Variants in CFAP20DC observed in about 807,000 individuals in gnomAD.
CFAP20DC encodes the protein CFAP20 domain containing, also known as protein CFAP20DC.
Under a neutral mutation model 101.7 loss-of-function variants are expected in CFAP20DC, and 84 were observed. The observed-to-expected ratio is 0.83, with a 90% CI of 0.69 to 0.99. CFAP20DC has a LOEUF of 0.99. Ranked by LOEUF, CFAP20DC falls within the 50% of genes least tolerant of loss-of-function variation. The pLI, the probability that CFAP20DC is intolerant of heterozygous loss-of-function variation, is 0.00. For synonymous variants in CFAP20DC, 359 were observed against 351.2 expected (o/e 1.02, Z -0.25); for missense variants, 1,007 against 970.3 (o/e 1.04, Z -0.50).
intron 12 of CFAP20DC, among the ~76,000 whole-genome samples, chr3:58,853,559 G>A (rs1451132256): frequency 6.6e-6 from 1 of 151,964 alleles, no homozygotes; most frequent in Non-Finnish European, 1.5e-5. Flanking sequence ...CAATATCCTT[G>A]ATGAACATTG....
Position 58,795,935 on chromosome 3 carries a change from A to G in CFAP20DC, c.2237+10460T>C, listed in dbSNP as rs915422707. Among the ~76,000 whole-genome samples, 1 of 152,198 alleles carries G rather than the reference A, an allele frequency of 6.6e-6. No individual in the cohort carries two copies. Among genetic ancestry groups the G allele is most frequent in the Admixed American group, 6.5e-5 (1 of 15,278 alleles). On this transcript the variant is annotated intron_variant, in intron 15 of 16. Coordinates refer to ENST00000482387, the MANE Select transcript of CFAP20DC (RefSeq NM_001394063.1). This position sits in a 1 kb window ranked among gnomAD's most constrained non-coding sequence, Gnocchi z 4.2. Reference sequence around the variant, plus strand: ...GGTCAGAGAGGAGGCAGGTGTCTCAACTAAGGAAACTGGAGGGTGGGGTTA... The same window carrying G: ...GGTCAGAGAGGAGGCAGGTGTCTCAGCTAAGGAAACTGGAGGGTGGGGTTA...
At chr3:58,734,136 C>G (rs1296048954) in intron 3 of CFAP20DC, among the ~76,000 whole-genome samples, 4 of 152,196 alleles carry the variant, frequency 2.6e-5, no homozygotes, top group Non-Finnish European at 4.4e-5. Flanking sequence ...TTCACTCTCT[C>G]TCTCTCTCCT....
chr3:58,910,991 A>C (rs969035633), intron 6 of CFAP20DC, among the ~76,000 whole-genome samples: 9 of 152,276 alleles, frequency 5.9e-5, no homozygotes, highest in Middle Eastern at 3.4e-3. Flanking sequence ...ATGCTTTAAA[A>C]TAAGTTTGAT....
At chr3:58,731,639 T>G (rs954612322) in intron 3 of CFAP20DC, among the ~76,000 whole-genome samples, 1 of 152,238 alleles carries the variant, frequency 6.6e-6, no homozygotes, top group Non-Finnish European at 1.5e-5. Context: ...GCTGCTAATA[T>G]GCAAAAATAT....
Position 58,722,730 on chromosome 3 carries a change from T to G in CFAP20DC, c.198-5102A>C, listed in dbSNP as rs535571923. Reference sequence around the variant, plus strand: ...ATTTAATTGTTATTTTGGGATCAGTTGCTTTTGAAAGATCCCCCAGCTGAT... The same window carrying G: ...ATTTAATTGTTATTTTGGGATCAGTGGCTTTTGAAAGATCCCCCAGCTGAT... On this transcript the variant is annotated intron_variant, in intron 3 of 3. Transcript: ENST00000486145. The surrounding 1 kb of genome is among the most constrained non-coding windows in gnomAD (Gnocchi z 4.5). Among the ~76,000 whole-genome samples the G allele has an allele frequency of 2.0e-5, 3 of 152,368 alleles. No individual in the cohort carries two copies. The highest frequency in any genetic ancestry group is 1.9e-4 in the East Asian group (1 of 5,194).
chr3:58,806,378 T>G lies in CFAP20DC; in HGVS notation c.2237+17A>C, dbSNP rs186650048. On this transcript the variant is annotated intron_variant, in intron 15 of 16. Coordinates refer to ENST00000482387, the MANE Select transcript of CFAP20DC (RefSeq NM_001394063.1). Reference sequence around the variant, plus strand: ...AGTTTTTTTTTTTCTTAAATGTAGATTATTAATGATTCTTACCGGGGATTA... The same window carrying G: ...AGTTTTTTTTTTTCTTAAATGTAGAGTATTAATGATTCTTACCGGGGATTA... The G allele has an allele frequency of 2.6e-6, 4 of 1,519,918 alleles. No individual in the cohort carries two copies. The East Asian group carries it at 9.0e-5, about 34-fold the overall frequency. 94.2% of individuals were successfully genotyped at this position (1,519,918 alleles called of 1,614,324 possible). A position where few individuals can be genotyped will look rare whatever the true frequency, so the allele number is the denominator to read the frequency against.
At chr3:58,842,515 C>T (rs1195443459) in intron 13 of CFAP20DC, among the ~76,000 whole-genome samples, 1 of 152,036 alleles carries the variant, frequency 6.6e-6, no homozygotes, top group Non-Finnish European at 1.5e-5. Flanking sequence ...GAGGGTCCTA[C>T]GCCCACGGAA....
At chr3:58,725,472 G>A (rs2067535938) in intron 3 of CFAP20DC, among the ~76,000 whole-genome samples, 1 of 152,160 alleles carries the variant, frequency 6.6e-6, no homozygotes, top group South Asian at 2.1e-4. Context: ...TAGTCACTGG[G>A]TCAGTAACAG....
intron 5 of CFAP20DC, among the ~76,000 whole-genome samples, chr3:58,922,321 C>A (rs929046214): frequency 6.6e-6 from 1 of 152,056 alleles, no homozygotes; most frequent in Non-Finnish European, 1.5e-5. Context: ...TTTAGCATTC[C>A]GTTAACCTCC....
intron 15 of CFAP20DC, among the ~76,000 whole-genome samples, chr3:58,773,141 T>G (rs924784259): frequency 2.6e-5 from 4 of 151,972 alleles, no homozygotes; most frequent in Non-Finnish European, 4.4e-5. Flanking sequence ...GACAAATGCT[T>G]ATGAAACATA....
At chr3:58,957,417 T>C (rs1266448648) in intron 4 of CFAP20DC, among the ~76,000 whole-genome samples, 3 of 152,192 alleles carry the variant, frequency 2.0e-5, no homozygotes, top group Non-Finnish European at 2.9e-5. Flanking sequence ...TGTAAATTAG[T>C]ACAGCCACTA....
intron 5 of CFAP20DC, among the ~76,000 whole-genome samples, chr3:58,936,681 A>G (rs1035484878): frequency 2.8e-4 from 42 of 152,306 alleles, no homozygotes; most frequent in Middle Eastern, 3.4e-3. Context: ...AGGACGGAAA[A>G]CCAAACACCG....
In CFAP20DC at chr3:58,721,486, C is replaced by T. The variant is rs561517107; in HGVS notation, c.198-3858G>A. Among the ~76,000 whole-genome samples the T allele has an allele frequency of 4.6e-5, 7 of 152,138 alleles. 1 individual carries two copies. Among genetic ancestry groups the T allele is most frequent in the South Asian group, 4.2e-4 (2 of 4,810 alleles). On this transcript the variant is annotated intron_variant, in intron 3 of 3. Transcript: ENST00000486145. The surrounding 1 kb of genome is among the most constrained non-coding windows in gnomAD (Gnocchi z 5.2). ...GTCAGGGAAGTTTTCCACAAAGAAG[C>T]GATATTTAAGCTGAGATCTGAAGGA...
Position 58,912,369 on chromosome 3 carries a change from G to T in CFAP20DC, c.550+1339C>A, listed in dbSNP as rs1178328930. Among the ~76,000 whole-genome samples, 6 of 152,098 alleles carry T rather than the reference G, an allele frequency of 3.9e-5. No individual in the cohort carries two copies. The highest frequency in any genetic ancestry group is 1.4e-4 in the African/African-American group (6 of 41,428). ...CACTTTCTCGTATAGTCTGTAAGTG[G>T]GTACATAAGATGAGCAGCCACACTG... On this transcript the variant is annotated intron_variant, in intron 6 of 16. Transcript: ENST00000482387. This position sits in a 1 kb window ranked among gnomAD's most constrained non-coding sequence, Gnocchi z 4.4.
intron 4 of CFAP20DC, among the ~76,000 whole-genome samples, chr3:59,005,787 A>T (rs2093420021): frequency 6.6e-6 from 1 of 152,196 alleles, no homozygotes; most frequent in Non-Finnish European, 1.5e-5. Flanking sequence ...TAGAGACTAC[A>T]TTATTTGCGA....
chr3:58,950,598 A>G (rs1377504353), intron 4 of CFAP20DC, among the ~76,000 whole-genome samples: 2 of 152,228 alleles, frequency 1.3e-5, no homozygotes, highest in East Asian at 1.9e-4. Flanking sequence ...ACTCTCAGAA[A>G]TAACACCGCA....
chr3:58,771,927 T>C (rs1176877445), intron 15 of CFAP20DC, among the ~76,000 whole-genome samples: 1 of 152,220 alleles, frequency 6.6e-6, no homozygotes, highest in Non-Finnish European at 1.5e-5. Context: ...TTCTTTTCTA[T>C]GAAGACTTCC....
chr3:58,806,282 A>G (rs1274503748), intron 15 of CFAP20DC, 113 bp downstream of exon 15: 14 of 722,836 alleles, frequency 1.9e-5, no homozygotes, highest in East Asian at 2.7e-5. Context: ...TTGAAAGAAC[A>G]TAAGTTTGGA....
At chr3:58,846,368 C>G (rs1421691134) in intron 13 of CFAP20DC, among the ~76,000 whole-genome samples, 1 of 149,680 alleles carries the variant, frequency 6.7e-6, no homozygotes, top group Non-Finnish European at 1.5e-5. Context: ...GATACACCAA[C>G]AACAGACAAA....
Sources: gnomAD v4.1 joint callset for allele counts (sites outside exome capture counted in the v4.1 genomes callset) on GRCh38, gnomAD v4.1.1 for gene constraint, Gnocchi (gnomAD v3.1) non-coding constraint, MANE v1.5 for transcripts, NCBI Gene and HGNC (gene_info 2026-07-23, HGNC 2026-07-21) for gene names.